The following FAM78B variants were observed in gnomAD, a reference collection of about 807,000 sequenced individuals.
The protein encoded by FAM78B is protein FAM78B.
A neutral mutation model predicts 20.0 loss-of-function variants in FAM78B; 10 were observed. The ratio of observed to expected loss-of-function variants is 0.50; its 90% confidence interval spans 0.31 to 0.85. The LOEUF is 0.85. Among genes scored for constraint, FAM78B ranks in the 40% least tolerant of loss-of-function variants. The probability of loss-of-function intolerance (pLI) is 0.05; values close to 1 mark genes in which losing one functional copy is unlikely to be tolerated. For missense variants in FAM78B, 283 were observed against 345.0 expected, an observed-to-expected ratio of 0.82 and a Z score of 1.42; for synonymous variants, 135 against 132.8, an observed-to-expected ratio of 1.02 and a Z score of -0.12.
intron 2 of FAM78B, among the ~76,000 whole-genome samples, chr1:166,062,653 C>T (rs936128395): frequency 6.6e-6 from 1 of 152,222 alleles, no homozygotes; most frequent in African/African-American, 2.4e-5. Context: ...ATCTGATATG[C>T]ATGTGCAGCG....
At chr1:166,157,468 G>A (rs992239754) in intron 1 of FAM78B, among the ~76,000 whole-genome samples, 14 of 151,630 alleles carry the variant, frequency 9.2e-5, no homozygotes, top group African/African-American at 2.4e-4. Context: ...GGAACCCTGC[G>A]CTGGGGAACC....
intron 1 of FAM78B, among the ~76,000 whole-genome samples, chr1:166,109,745 T>C (rs1653922583): frequency 7.0e-6 from 1 of 142,632 alleles, no homozygotes; most frequent in Admixed American, 7.1e-5. Context: ...AATTGCAAAA[T>C]TGTGGAACCA....
intron 1 of FAM78B, among the ~76,000 whole-genome samples, chr1:166,150,497 CA>C (rs759073967): frequency 2.9e-4 from 44 of 152,286 alleles, no homozygotes; most frequent in Middle Eastern, 3.4e-3. Flanking sequence ...CTTGAATACA[CA>C]GTTGAATTTG....
chr1:166,148,042 A>G (rs1439264246), intron 1 of FAM78B: 1 of 152,036 alleles, frequency 6.6e-6, no homozygotes, highest in Non-Finnish European at 1.5e-5. Context: ...ATTGTGGTAC[A>G]CTCTTCCTGT....
chr1:166,124,917 A>G (rs1168648445), intron 1 of FAM78B, among the ~76,000 whole-genome samples: 1 of 152,092 alleles, frequency 6.6e-6, no homozygotes, highest in East Asian at 1.9e-4. Context: ...GGACACAGAC[A>G]CCCAGCAAGC....
At chr1:166,101,872 C>T (rs1051053629) in intron 1 of FAM78B, among the ~76,000 whole-genome samples, 2 of 152,018 alleles carry the variant, frequency 1.3e-5, no homozygotes, top group African/African-American at 2.4e-5. Flanking sequence ...CACAAAGATA[C>T]TCCTCGAGAA....
chr1:166,155,707 C>CA (rs372719736), intron 1 of FAM78B, among the ~76,000 whole-genome samples: 30 of 152,084 alleles, frequency 2.0e-4, no homozygotes, highest in African/African-American at 7.0e-4. Context: ...TAAGTGATAA[C>CA]AAAAAATCTA....
At chr1:166,154,372 GCTGCCAAGCCCTCCCATCTC>G (rs756169489) in intron 1 of FAM78B, among the ~76,000 whole-genome samples, 13 of 152,194 alleles carry the variant, frequency 8.5e-5, no homozygotes, top group African/African-American at 1.4e-4. Flanking sequence ...CTTCCCTTGG[GCTGCCAAGCCCTCCCATCTC>G]CTGCCATCTG....
intron 1 of FAM78B, among the ~76,000 whole-genome samples, chr1:166,098,152 T>G: frequency 6.6e-6 from 1 of 152,132 alleles, no homozygotes; most frequent in East Asian, 1.9e-4. Context: ...GTTTGGGTAA[T>G]AGGAAGCCAC....
At chr1:166,085,615 G>A (rs1352993504) in intron 1 of FAM78B, among the ~76,000 whole-genome samples, 2 of 152,224 alleles carry the variant, frequency 1.3e-5, no homozygotes, top group Non-Finnish European at 2.9e-5. Context: ...TGGGCACAGC[G>A]TGTGAGCAGG....
At chr1:166,068,659 T>C (rs1651894814), downstream of FAM78B, among the ~76,000 whole-genome samples, 1 of 152,222 alleles carries the variant, frequency 6.6e-6, no homozygotes, top group Non-Finnish European at 1.5e-5. Context: ...AACCATGAGA[T>C]TGTAAAACTG....
intron 1 of FAM78B, among the ~76,000 whole-genome samples, chr1:166,117,622 T>C (rs1374619662): frequency 1.3e-5 from 2 of 152,152 alleles, no homozygotes; most frequent in Non-Finnish European, 2.9e-5. Context: ...AGAAGGTAGT[T>C]AGTTGTTTTA....
intron 1 of FAM78B, among the ~76,000 whole-genome samples, chr1:166,133,802 G>A (rs1421701967): frequency 3.3e-5 from 5 of 152,128 alleles, no homozygotes; most frequent in East Asian, 3.9e-4. Context: ...CTCGCGAGGT[G>A]CTTACCATTA....
chr1:166,058,124 G>A (rs1651424357), exon 3 of FAM78B: 1 of 152,194 alleles, frequency 6.6e-6, no homozygotes, highest in South Asian at 2.1e-4. Context: ...ATGCCCTCCT[G>A]ATATAAAAGA....
chr1:166,153,000 T>A (rs1193046631), intron 1 of FAM78B, among the ~76,000 whole-genome samples: 4 of 152,202 alleles, frequency 2.6e-5, no homozygotes, highest in Non-Finnish European at 5.9e-5. Context: ...GTTCCCAGCT[T>A]CCTCACCAGA....
intron 1 of FAM78B, among the ~76,000 whole-genome samples, chr1:166,146,146 C>A (rs888964939): frequency 5.9e-5 from 9 of 152,214 alleles, no homozygotes; most frequent in African/African-American, 1.7e-4. Flanking sequence ...GGTCCAGAAT[C>A]TTCCCTGAGG....
intron 1 of FAM78B, among the ~76,000 whole-genome samples, chr1:166,096,157 C>G (rs1414690460): frequency 6.6e-6 from 1 of 152,180 alleles, no homozygotes; most frequent in Non-Finnish European, 1.5e-5. Flanking sequence ...AATTGCCAGT[C>G]GTCCCACGAA....
At chr1:166,077,722 T>C (rs1227096113) in intron 1 of FAM78B, among the ~76,000 whole-genome samples, 1 of 134,160 alleles carries the variant, frequency 7.5e-6, no homozygotes. Context: ...TAATTACATA[T>C]ATTTATAAAT....
chr1:166,063,611 G>A (rs982991452), intron 2 of FAM78B, among the ~76,000 whole-genome samples: 1 of 152,132 alleles, frequency 6.6e-6, no homozygotes, highest in Non-Finnish European at 1.5e-5. Flanking sequence ...GGCTCACCCA[G>A]TCCCAGGACT....
Sources: allele counts gnomAD v4.1 joint callset (sites outside exome capture counted in the v4.1 genomes callset), GRCh38; gene constraint gnomAD v4.1.1; transcripts MANE v1.5; gene names NCBI Gene and HGNC (gene_info 2026-07-23, HGNC 2026-07-21).